The following LARGE1 variants were observed in gnomAD, a reference collection of about 807,000 sequenced individuals.
LARGE1 encodes xylosyl- and glucuronyltransferase LARGE1.
LARGE1 carries 43 observed loss-of-function variants against 87.6 expected under a neutral mutation model. The observed-to-expected ratio is 0.49, with a 90% confidence interval of 0.38 to 0.63. The LOEUF is 0.63. Among genes scored for constraint, LARGE1 ranks in the 30% least tolerant of loss-of-function variants. LARGE1 has a pLI of 0.00. For synonymous variants in LARGE1, 434 were observed against 394.6 expected, an observed-to-expected ratio of 1.10 and a Z score of -1.18; for missense variants, 802 against 1,000.2, an observed-to-expected ratio of 0.80 and a Z score of 2.67.
intron 2 of LARGE1, among the ~76,000 whole-genome samples, chr22:33,652,103 G>A (rs1010700380): frequency 2.6e-5 from 4 of 152,136 alleles, no homozygotes; most frequent in Non-Finnish European, 5.9e-5. Flanking sequence ...TTGAACCCTG[G>A]AGGCAGGGGT....
intron 1 of LARGE1, among the ~76,000 whole-genome samples, chr22:33,858,124 A>C (rs1262801494): frequency 1.3e-5 from 2 of 152,316 alleles, no homozygotes; most frequent in Middle Eastern, 3.4e-3. Flanking sequence ...CCCCGTGACT[A>C]GTGTTCAACT....
At chr22:33,412,306 T>TATATATATATA (rs1555912561) in intron 7 of LARGE1, among the ~76,000 whole-genome samples, 10 of 151,316 alleles carry the variant, frequency 6.6e-5, no homozygotes, top group African/African-American at 2.2e-4. Flanking sequence ...TATATATATA[T>TATATATATATA]TTATTATTAT....
At chr22:33,588,306 C>T (rs1020061214) in intron 5 of LARGE1, among the ~76,000 whole-genome samples, 1 of 152,194 alleles carries the variant, frequency 6.6e-6, no homozygotes, top group Non-Finnish European at 1.5e-5. Context: ...AATGAAGTAA[C>T]AGGTGGAAAG....
intron 6 of LARGE1, among the ~76,000 whole-genome samples, chr22:33,493,413 G>A (rs1025962380): frequency 3.9e-5 from 6 of 152,022 alleles, no homozygotes; most frequent in East Asian, 1.9e-4. Flanking sequence ...CTCCCACCTC[G>A]GCCTCCCAAA....
At chr22:33,088,151 C>T in the LARGE1 span, among the ~76,000 whole-genome samples, 2 of 151,954 alleles carry the variant, frequency 1.3e-5, no homozygotes, top group Non-Finnish European at 2.9e-5. Flanking sequence ...ATAGTTGCAT[C>T]GTACTCAACC....
chr22:33,466,492 GA>G (rs367555572), intron 6 of LARGE1, among the ~76,000 whole-genome samples: 15 of 145,048 alleles, frequency 1.0e-4, no homozygotes, highest in East Asian at 4.0e-4. Flanking sequence ...TTTGTTGAAG[GA>G]AAAAAAAAAG....
At chr22:33,727,788 T>C (rs1003139769) in intron 2 of LARGE1, among the ~76,000 whole-genome samples, 2 of 152,136 alleles carry the variant, frequency 1.3e-5, no homozygotes, top group Non-Finnish European at 2.9e-5. Context: ...TCTCTCTAAA[T>C]GGCTAACACA....
At chr22:33,812,285 G>A (rs1448610435) in intron 1 of LARGE1, among the ~76,000 whole-genome samples, 1 of 152,160 alleles carries the variant, frequency 6.6e-6, no homozygotes, top group Non-Finnish European at 1.5e-5. Context: ...AATTGTGCCT[G>A]GCCTCCCCTG....
At position 33,674,262 on chromosome 22, in the gene LARGE1, C is replaced by T. The variant is rs558258161; in HGVS notation, c.107-23594G>A. Among the ~76,000 whole-genome samples the T allele has an allele frequency of 5.5e-4, 83 of 152,228 alleles. No homozygotes were observed. In the South Asian group the frequency reaches 7.9e-3, roughly 14 times the overall value. ...CCCAGCCAACTTCCCATTCTTCCCTCCCCCAAGCCCCTGGTGGACACCATT... is the reference window on the plus strand; with the variant it reads ...CCCAGCCAACTTCCCATTCTTCCCTTCCCCAAGCCCCTGGTGGACACCATT... On this transcript the variant is annotated intron_variant, in intron 2 of 14. Transcript: ENST00000397394.
At chr22:33,747,853 G>A (rs1326678089) in intron 2 of LARGE1, 1 of 152,004 alleles carries the variant, frequency 6.6e-6, no homozygotes, top group Admixed American at 6.6e-5. Context: ...ATTAGGTTAT[G>A]GGGGGATTAT....
intron 7 of LARGE1, among the ~76,000 whole-genome samples, chr22:33,393,078 G>A (rs2065591536): frequency 6.6e-6 from 1 of 152,188 alleles, no homozygotes; most frequent in African/African-American, 2.4e-5. Context: ...CCACTGTATG[G>A]AAAATTATGA....
At chr22:33,478,158 T>C (rs567182739) in intron 6 of LARGE1, among the ~76,000 whole-genome samples, 5 of 152,166 alleles carry the variant, frequency 3.3e-5, no homozygotes, top group Non-Finnish European at 7.4e-5. Context: ...AGCAATAACA[T>C]GGACCACAGG....
At chr22:33,275,017 T>C (rs113384359) in intron 14 of LARGE1, among the ~76,000 whole-genome samples, 13 of 152,304 alleles carry the variant, frequency 8.5e-5, no homozygotes, top group African/African-American at 3.1e-4. Context: ...GGATATTCTC[T>C]TGCTCGATTA....
At chr22:33,423,679 CAA>C (rs57917109) in intron 7 of LARGE1, among the ~76,000 whole-genome samples, 4 of 119,260 alleles carry the variant, frequency 3.4e-5, no homozygotes, top group South Asian at 3.0e-4. Context: ...GATTCTGTCT[CAA>C]AAAAAAAAAA....
At chr22:33,137,601 C>G in the LARGE1 span, among the ~76,000 whole-genome samples, 3 of 152,218 alleles carry the variant, frequency 2.0e-5, no homozygotes, top group East Asian at 3.9e-4. Context: ...CTGGACATGT[C>G]AGAGGTCTTC....
At chr22:33,727,091 C>A (rs1211962600) in intron 2 of LARGE1, among the ~76,000 whole-genome samples, 4 of 152,244 alleles carry the variant, frequency 2.6e-5, no homozygotes, top group Middle Eastern at 3.4e-3. Context: ...CCCTGAAGGT[C>A]AAGGTGACAG....
chr22:33,782,884 T>TAAA (rs397952057), intron 1 of LARGE1, among the ~76,000 whole-genome samples: 110 of 125,444 alleles, frequency 8.8e-4, no homozygotes, highest in Admixed American at 3.0e-3. Context: ...AAATCAAGTT[T>TAAA]AAAAAAAAAA....
At chr22:33,170,011 CCTAAGCT>C (rs1922477994) in intron 11 of LARGE1, among the ~76,000 whole-genome samples, 1 of 152,044 alleles carries the variant, frequency 6.6e-6, no homozygotes, top group East Asian at 1.9e-4. Flanking sequence ...TGTGTTGAAA[CCTAAGCT>C]CCAACATGAT....
chr22:33,859,160 G>A (rs556794741), intron 1 of LARGE1, among the ~76,000 whole-genome samples: 1 of 152,176 alleles, frequency 6.6e-6, no homozygotes, highest in Non-Finnish European at 1.5e-5. Flanking sequence ...TGCACGTTCT[G>A]CACATGTATC....
Sources: allele counts gnomAD v4.1 joint callset (sites outside exome capture counted in the v4.1 genomes callset), GRCh38; gene constraint gnomAD v4.1.1; transcripts MANE v1.5; gene names NCBI Gene and HGNC (gene_info 2026-07-23, HGNC 2026-07-21).